Variants in CALB2 observed in about 807,000 individuals in gnomAD.
The protein encoded by CALB2 is calbindin 2, also known as calretinin.
CALB2 carries 34 observed loss-of-function variants against 45.9 expected under a neutral mutation model. That is an observed-to-expected ratio of 0.74 (90% confidence interval 0.56 to 0.99). CALB2 has a LOEUF of 0.99. CALB2 is among the 50% of genes least tolerant of loss of function. CALB2 has a pLI of 0.00. For synonymous variants in CALB2, 142 were observed against 129.6 expected (o/e 1.10, Z -0.65); for missense variants, 344 against 339.3 (o/e 1.01, Z -0.11).
intron 9 of CALB2, chr16:71,385,222 G>A (rs2042556874): frequency 5.8e-6 from 2 of 346,586 alleles, no homozygotes; most frequent in Non-Finnish European, 5.4e-6. Flanking sequence ...CCCTCCCTGG[G>A]CTGTCCCCTG....
chr16:71,381,659 T>G (rs868078007), intron 4 of CALB2, among the ~76,000 whole-genome samples: 1 of 152,042 alleles, frequency 6.6e-6, no homozygotes, highest in South Asian at 2.1e-4. Context: ...TTGCTGGTCT[T>G]CAGGTGTGTA....
rs2042614908 is a variant in CALB2 at position 71,389,769 on chromosome 16, C to A, written c.720C>A (p.Leu240=). The A allele has an allele frequency of 1.3e-5, 21 of 1,613,710 alleles. No homozygotes were observed. The highest frequency in any genetic ancestry group is 1.7e-5 in the Non-Finnish European group (20 of 1,179,806). ...KNKKEMNIQQ[L]TNYRKSVMSL... Reference sequence around the variant, plus strand: ...CCTAGGAAATGAATATTCAACAGCTCACCAACTACAGAAAGAGCGTCATGT... The same window carrying A: ...CCTAGGAAATGAATATTCAACAGCTAACCAACTACAGAAAGAGCGTCATGT... The change falls in exon 11 of 11, where the codon CTC becomes CTA. Residue 240 remains leucine, a synonymous_variant. Transcript: ENST00000302628.
chr16:71,369,233 A>C (rs2042319472), intron 1 of CALB2, among the ~76,000 whole-genome samples: 2 of 152,108 alleles, frequency 1.3e-5, no homozygotes, highest in African/African-American at 4.8e-5. Context: ...TATCCTCTTT[A>C]ATCTTCATGG....
intron 1 of CALB2, among the ~76,000 whole-genome samples, chr16:71,362,843 A>C (rs952407953): frequency 6.6e-6 from 1 of 152,240 alleles, no homozygotes; most frequent in Admixed American, 6.5e-5. Context: ...TGAAAATTTT[A>C]CAAGAGCATC....
intron 3 of CALB2, among the ~76,000 whole-genome samples, chr16:71,375,379 A>T (rs1210807105): frequency 6.6e-6 from 1 of 152,112 alleles, no homozygotes; most frequent in African/African-American, 2.4e-5. Flanking sequence ...TGCATGTCAA[A>T]CACCTCTGGT....
chr16:71,382,578 G>A, intron 4 of CALB2, 141 bp from the exon 5 acceptor site: 2 of 771,654 alleles, frequency 2.6e-6, no homozygotes, highest in Non-Finnish European at 4.3e-6. Context: ...AAGGGTCTGG[G>A]CTACATCATC....
At position 71,389,916 on chromosome 16, in the gene CALB2, C is replaced by T; in HGVS notation, c.*51C>T. The T allele has an allele frequency of 7.7e-7, 1 of 1,295,166 alleles. No homozygotes were observed. The highest frequency in any genetic ancestry group is 1.1e-6 in the Non-Finnish European group (1 of 896,176). The allele number at this position is 1,295,166 out of a possible 1,614,324, so 80.2% of individuals were successfully genotyped here. On this transcript the variant is annotated 3_prime_UTR_variant, in exon 11 of 11. Coordinates refer to ENST00000302628, the MANE Select transcript of CALB2 (RefSeq NM_001740.5). ...CCTCCCCCAAACCCTGCTTCTGCTG[C>T]CCTGATGCGTCTACCCAGACTCAGA...
chr16:71,389,959 C>T lies in CALB2; in HGVS notation c.*94C>T, dbSNP rs1291182754. The T allele has an allele frequency of 1.3e-6, 1 of 789,468 alleles. No individual in the cohort carries two copies. Among genetic ancestry groups the T allele is most frequent in the Non-Finnish European group, 2.2e-6 (1 of 455,990 alleles). The allele number at this position is 789,468 out of a possible 1,614,324, so 48.9% of individuals were successfully genotyped here. A position where few individuals can be genotyped will look rare whatever the true frequency, so the allele number is the denominator to read the frequency against. The stretch of plus-strand genomic sequence containing the variant: ...GACTCAGAGACCGTGAGCGCCCCGC[C>T]CCCACCCCTACAGCCTGCACACACC... On this transcript the variant is annotated 3_prime_UTR_variant, in exon 11 of 11. Coordinates refer to ENST00000302628, the MANE Select transcript of CALB2 (RefSeq NM_001740.5).
intron 10 of CALB2, 33 bp downstream of exon 10, chr16:71,385,681 C>T: frequency 6.3e-7 from 1 of 1,587,838 alleles, no homozygotes; most frequent in Non-Finnish European, 8.6e-7. Context: ...CGGCCACTGT[C>T]CCCAGGGCAC....
At position 71,378,288 on chromosome 16, in the gene CALB2, G is replaced by A. The variant is rs569103178; in HGVS notation, c.342+541G>A. On this transcript the variant is annotated intron_variant, in intron 4 of 10. Coordinates refer to ENST00000302628, the MANE Select transcript of CALB2 (RefSeq NM_001740.5). ...CCTACTCAAGGAGGCTAAGGCAGGA[G>A]GATCTTTTGAGGCCAGGGTTTCAAG... Among the ~76,000 whole-genome samples, 19 of 152,102 alleles carry A rather than the reference G, an allele frequency of 1.2e-4. No homozygotes were observed. In the South Asian group the frequency reaches 3.7e-3, roughly 30 times the overall value.
At chr16:71,382,574 C>A in intron 4 of CALB2, 145 bp from the exon 5 acceptor site, 1 of 738,430 alleles carries the variant, frequency 1.4e-6, no homozygotes, top group Non-Finnish European at 2.3e-6. Context: ...CTTGAAGGGT[C>A]TGGGCTACAT....
chr16:71,380,843 A>G (rs1005590217), intron 4 of CALB2, among the ~76,000 whole-genome samples: 1 of 152,138 alleles, frequency 6.6e-6, no homozygotes, highest in Non-Finnish European at 1.5e-5. Flanking sequence ...TCAGCACAAC[A>G]ACTCCTAATT....
intron 1 of CALB2, among the ~76,000 whole-genome samples, chr16:71,360,595 A>C (rs1317760017): frequency 2.0e-5 from 3 of 152,208 alleles, no homozygotes; most frequent in Non-Finnish European, 4.4e-5. Context: ...AGCCAAGGTT[A>C]CACCACTGGC....
At chr16:71,387,663 T>C (rs1400644463) in intron 10 of CALB2, among the ~76,000 whole-genome samples, 1 of 152,132 alleles carries the variant, frequency 6.6e-6, no homozygotes, top group Non-Finnish European at 1.5e-5. Context: ...GTGAAACTTA[T>C]AGGAAGTAAG....
intron 1 of CALB2, among the ~76,000 whole-genome samples, chr16:71,370,119 G>A (rs996992670): frequency 4.6e-5 from 7 of 152,138 alleles, no homozygotes; most frequent in African/African-American, 9.7e-5. Flanking sequence ...TCTTTTCCCT[G>A]CAGACAAAAA....
intron 8 of CALB2, 117 bp downstream of exon 8, chr16:71,384,495 A>T: frequency 1.2e-6 from 1 of 821,112 alleles, no homozygotes; most frequent in South Asian, 1.4e-5. Flanking sequence ...CACACCACAC[A>T]CACACAAAAC....
intron 1 of CALB2, among the ~76,000 whole-genome samples, chr16:71,363,176 C>A (rs545502291): frequency 2.0e-5 from 3 of 152,258 alleles, no homozygotes. Flanking sequence ...CAGAGCCAGA[C>A]CCTATCTTTA....
In CALB2 at chr16:71,385,881, C is replaced by T. The variant is rs1018236360; in HGVS notation, c.699+233C>T. ...GTGGCAAAAAACACAGGACAGAAAGCTTACCATCTTCACATTTTTAGTGTA... is the reference window on the plus strand; with the variant it reads ...GTGGCAAAAAACACAGGACAGAAAGTTTACCATCTTCACATTTTTAGTGTA... On this transcript the variant is annotated intron_variant, in intron 10 of 10. Coordinates refer to ENST00000302628, the MANE Select transcript of CALB2 (RefSeq NM_001740.5). Among the ~76,000 whole-genome samples, 3 of 152,190 alleles carry T rather than the reference C, an allele frequency of 2.0e-5. No individual in the cohort carries two copies. In the South Asian group the frequency reaches 6.2e-4, roughly 32 times the overall value.
chr16:71,361,695 G>T (rs1057418081), intron 1 of CALB2, among the ~76,000 whole-genome samples: 1 of 152,140 alleles, frequency 6.6e-6, no homozygotes, highest in Non-Finnish European at 1.5e-5. Flanking sequence ...CCAACGAGAG[G>T]GAGGATGGGG....
Sources: allele counts gnomAD v4.1 joint callset (sites outside exome capture counted in the v4.1 genomes callset), GRCh38; gene constraint gnomAD v4.1.1; transcripts MANE v1.5; gene names NCBI Gene and HGNC (gene_info 2026-07-23, HGNC 2026-07-21).